Variants in TSPAN5 observed in about 807,000 individuals in gnomAD.
TSPAN5 encodes the protein tetraspanin 5, also known as tetraspanin-5.
A neutral mutation model predicts 37.1 loss-of-function variants in TSPAN5; 10 were observed. That is an observed-to-expected ratio of 0.27 (90% confidence interval 0.17 to 0.46). The LOEUF (loss-of-function observed/expected upper bound fraction) is 0.46. Ranked by LOEUF, TSPAN5 falls within the 20% of genes least tolerant of loss-of-function variation. The pLI, the probability that TSPAN5 is intolerant of heterozygous loss-of-function variation, is 1.00. For synonymous variants in TSPAN5, 110 were observed against 118.9 expected (o/e 0.93, Z 0.48); for missense variants, 195 against 326.6 (o/e 0.60, Z 3.11).
chr4:98,646,219 TCCTAGC>T, intron 1 of TSPAN5, among the ~76,000 whole-genome samples: 1 of 152,028 alleles, frequency 6.6e-6, no homozygotes, highest in African/African-American at 2.4e-5. Context: ...CAATCCAAAA[TCCTAGC>T]TCTGCATCAG....
At chr4:98,566,676 A>G (rs1755011365) in intron 1 of TSPAN5, among the ~76,000 whole-genome samples, 1 of 152,188 alleles carries the variant, frequency 6.6e-6, no homozygotes, top group Admixed American at 6.5e-5. Context: ...AGGCTTTTAC[A>G]CTGGAAGCCT....
At chr4:98,587,281 C>A (rs1047296294) in intron 1 of TSPAN5, among the ~76,000 whole-genome samples, 1 of 152,218 alleles carries the variant, frequency 6.6e-6, no homozygotes, top group Non-Finnish European at 1.5e-5. Context: ...CCAGCTTCCA[C>A]ACGCAGGCTG....
chr4:98,640,353 G>T (rs898951445), intron 1 of TSPAN5, among the ~76,000 whole-genome samples: 2 of 152,120 alleles, frequency 1.3e-5, no homozygotes, highest in African/African-American at 2.4e-5. Flanking sequence ...TGGGATAGCT[G>T]CTATATTTCA....
At chr4:98,495,589 C>T (rs1753189044) in intron 2 of TSPAN5, among the ~76,000 whole-genome samples, 1 of 151,450 alleles carries the variant, frequency 6.6e-6, no homozygotes, top group Non-Finnish European at 1.5e-5. Context: ...TCATTAGTGC[C>T]TTATTCATTC....
intron 1 of TSPAN5, among the ~76,000 whole-genome samples, chr4:98,624,837 A>G (rs910206527): frequency 1.3e-5 from 2 of 152,230 alleles, no homozygotes; most frequent in African/African-American, 4.8e-5. Flanking sequence ...AGTCAATGTT[A>G]CATAAGTGAT....
intron 1 of TSPAN5, among the ~76,000 whole-genome samples, chr4:98,544,385 C>G (rs943801938): frequency 6.6e-6 from 1 of 151,980 alleles, no homozygotes; most frequent in African/African-American, 2.4e-5. Context: ...TGTCCACTGT[C>G]AACCATTTCA....
At position 98,478,812 on chromosome 4, in the gene TSPAN5, T is replaced by TA. The variant is rs761466383; in HGVS notation, c.451-3dup. On this transcript the variant is annotated splice_region_variant and splice_polypyrimidine_tract_variant and intron_variant, in intron 4 of 7. Coordinates refer to ENST00000305798, the MANE Select transcript of TSPAN5 (RefSeq NM_005723.4). ...TCCAAAAGCCCCACAGCACTGCCACTAGAGCAAACAGGAAAGAATTAGAAC... is the reference window on the plus strand; with the variant it reads ...TCCAAAAGCCCCACAGCACTGCCACTAAGAGCAAACAGGAAAGAATTAGAAC... The TA allele has an allele frequency of 6.2e-7, 1 of 1,613,544 alleles. No individual in the cohort carries two copies. The highest frequency in any genetic ancestry group is 1.1e-5 in the South Asian group (1 of 91,076).
At chr4:98,541,445 C>T (rs1437749185) in intron 1 of TSPAN5, among the ~76,000 whole-genome samples, 13 of 152,022 alleles carry the variant, frequency 8.6e-5, no homozygotes, top group African/African-American at 2.4e-4. Context: ...GAGGCTGAGG[C>T]AGGCAGATCA....
rs972457120 is a variant in TSPAN5, at chr4:98,471,884, T to A, written c.*638A>T. 1 of 152,230 alleles carries A rather than the reference T, an allele frequency of 6.6e-6. No individual in the cohort carries two copies. The highest frequency in any genetic ancestry group is 2.1e-4 in the South Asian group (1 of 4,830). The allele number at this position is 152,230 out of a possible 1,614,324, so 9.4% of individuals were successfully genotyped here. On this transcript the variant is annotated 3_prime_UTR_variant, in exon 8 of 8. Transcript: ENST00000305798. ...TTCCAATGCCCTTGCTCGGTGCACA[T>A]GAAATACACAACTTCTCTTATAAGG...
chr4:98,491,727 C>T (rs1417987027), intron 2 of TSPAN5, among the ~76,000 whole-genome samples: 3 of 150,712 alleles, frequency 2.0e-5, no homozygotes, highest in Non-Finnish European at 4.4e-5. Flanking sequence ...ATCCTGACAA[C>T]AGTGATTTGG....
intron 7 of TSPAN5, among the ~76,000 whole-genome samples, chr4:98,475,782 G>A (rs2110252804): frequency 6.6e-6 from 1 of 152,252 alleles, no homozygotes; most frequent in East Asian, 1.9e-4. Context: ...GAGGTCAGGA[G>A]ATCGAGACCA....
intron 1 of TSPAN5, among the ~76,000 whole-genome samples, chr4:98,595,470 T>C (rs1330488755): frequency 8.7e-6 from 1 of 115,502 alleles, no homozygotes; most frequent in Non-Finnish European, 1.7e-5. Context: ...TTTCTTGCCT[T>C]CTGCTAGCTT....
intron 1 of TSPAN5, among the ~76,000 whole-genome samples, chr4:98,550,207 A>G (rs981172032): frequency 2.0e-5 from 3 of 152,028 alleles, no homozygotes; most frequent in Non-Finnish European, 4.4e-5. Context: ...ATGTGGCTTT[A>G]TTTTTGGCTT....
At chr4:98,617,401 A>G (rs1756366895) in intron 1 of TSPAN5, among the ~76,000 whole-genome samples, 1 of 152,148 alleles carries the variant, frequency 6.6e-6, no homozygotes, top group African/African-American at 2.4e-5. Flanking sequence ...GCCAAGAATG[A>G]TTTAATTATT....
chr4:98,523,262 T>C (rs1435406356), intron 1 of TSPAN5, among the ~76,000 whole-genome samples: 1 of 152,188 alleles, frequency 6.6e-6, no homozygotes, highest in Admixed American at 6.5e-5. Context: ...GGGATGTGAA[T>C]AAGCGTCCCT....
At chr4:98,493,456 A>G (rs536305796) in intron 2 of TSPAN5, among the ~76,000 whole-genome samples, 1 of 152,222 alleles carries the variant, frequency 6.6e-6, no homozygotes. Context: ...AACGGGCCAC[A>G]CACAGTTATT....
At chr4:98,518,623 G>C (rs888825723) in intron 1 of TSPAN5, among the ~76,000 whole-genome samples, 5 of 152,236 alleles carry the variant, frequency 3.3e-5, no homozygotes, top group Admixed American at 2.0e-4. Flanking sequence ...ATCAAAGCCT[G>C]AAACAGCATC....
At chr4:98,629,815 A>T (rs1455096626) in intron 1 of TSPAN5, among the ~76,000 whole-genome samples, 1 of 152,252 alleles carries the variant, frequency 6.6e-6, no homozygotes, top group Non-Finnish European at 1.5e-5. Flanking sequence ...ACAGACTGTT[A>T]GTGAGTGAAT....
chr4:98,600,698 C>T (rs1755863825), intron 1 of TSPAN5, among the ~76,000 whole-genome samples: 1 of 152,168 alleles, frequency 6.6e-6, no homozygotes, highest in African/African-American at 2.4e-5. Context: ...AGTCTTGGAT[C>T]CCTCAAAGAC....
Sources: allele counts gnomAD v4.1 joint callset (sites outside exome capture counted in the v4.1 genomes callset), GRCh38; gene constraint gnomAD v4.1.1; transcripts MANE v1.5; gene names NCBI Gene and HGNC (gene_info 2026-07-23, HGNC 2026-07-21).